DPP6: variants seen among roughly 807,000 people sequenced by gnomAD.
DPP6 encodes the protein dipeptidyl peptidase like 6.
Under a neutral mutation model 122.6 loss-of-function variants are expected in DPP6, and 69 were observed. The observed-to-expected ratio is 0.56, with a 90% confidence interval of 0.46 to 0.69. The LOEUF (loss-of-function observed/expected upper bound fraction) is 0.69, where lower values mean the gene tolerates loss of function less well. Ranked by LOEUF, DPP6 falls within the 30% of genes least tolerant of loss-of-function variation. The pLI is 0.00. For synonymous variants in DPP6, 418 were observed against 433.1 expected, an observed-to-expected ratio of 0.97 and a Z score of 0.43; for missense variants, 928 against 1,116.9, an observed-to-expected ratio of 0.83 and a Z score of 2.41.
At chr7:154,431,607 T>C (rs1386541704) in intron 1 of DPP6, among the ~76,000 whole-genome samples, 1 of 149,340 alleles carries the variant, frequency 6.7e-6, no homozygotes, top group African/African-American at 2.5e-5. Flanking sequence ...TGATCTCAGT[T>C]CACCACAACC....
chr7:154,097,749 G>A (rs1805432285), intron 1 of DPP6, among the ~76,000 whole-genome samples: 1 of 152,214 alleles, frequency 6.6e-6, no homozygotes, highest in Non-Finnish European at 1.5e-5. Flanking sequence ...TGAGGCAGCT[G>A]TCACCTGAGG....
intron 7 of DPP6, among the ~76,000 whole-genome samples, chr7:154,721,335 GAC>G (rs1841795106): frequency 6.6e-6 from 1 of 152,094 alleles, no homozygotes; most frequent in African/African-American, 2.4e-5. Context: ...CCGCACCCCT[GAC>G]CCACCAGCTG....
chr7:154,805,024 C>A, intron 15 of DPP6, 60 bp downstream of exon 15: 1 of 1,545,264 alleles, frequency 6.5e-7, no homozygotes, highest in South Asian at 1.2e-5. Context: ...CCAGGCTTTG[C>A]AGAATTGCAC....
rs3060876 is a variant in DPP6 at position 153,933,682 on chromosome 7, T to TTC, written c.51+45971_51+45972dup. ...TTGCAATGCCCTTCACATTGCCACA[T>TTC]TCTCTCTCTCTCTCTCTCTCTCTCA... On this transcript the variant is annotated intron_variant, in intron 1 of 25. Coordinates refer to the DPP6 transcript ENST00000404039. Among the ~76,000 whole-genome samples, 40 of 150,544 alleles carry TTC rather than the reference T, an allele frequency of 2.7e-4. No homozygotes were observed. In the South Asian group the frequency reaches 3.0e-3, roughly 11 times the overall value.
At chr7:154,153,727 T>A (rs1796541619) in intron 1 of DPP6, among the ~76,000 whole-genome samples, 1 of 152,230 alleles carries the variant, frequency 6.6e-6, no homozygotes, top group South Asian at 2.1e-4. Context: ...AGTTTTCCTA[T>A]CAACTACTCA....
At chr7:154,178,574 C>T (rs530087489) in intron 1 of DPP6, among the ~76,000 whole-genome samples, 8 of 151,532 alleles carry the variant, frequency 5.3e-5, no homozygotes, top group African/African-American at 9.7e-5. Context: ...GCAACATAGG[C>T]GAGAGCAGTA....
At position 154,875,774 on chromosome 7, in the gene DPP6, G is replaced by T; in HGVS notation, c.1884-132G>T. 1 of 1,307,402 alleles carries T rather than the reference G, an allele frequency of 7.6e-7. No homozygotes were observed. Among genetic ancestry groups the T allele is most frequent in the South Asian group, 1.5e-5 (1 of 68,298 alleles). The allele number at this position is 1,307,402 out of a possible 1,614,324, so 81.0% of individuals were successfully genotyped here. ...ACCTGCCCGGGGCAACAGAATCTGG[G>T]GTATGGAGTTGAGCGTGTGGCAGCC... On this transcript the variant is annotated intron_variant, in intron 19 of 25. Transcript: ENST00000377770. The surrounding 1 kb of genome is among the most constrained non-coding windows in gnomAD (Gnocchi z 4.5).
At chr7:154,381,642 G>A (rs909000329) in intron 1 of DPP6, among the ~76,000 whole-genome samples, 1 of 152,142 alleles carries the variant, frequency 6.6e-6, no homozygotes, top group East Asian at 1.9e-4. Flanking sequence ...CTTATGATCC[G>A]AAAAATGCTG....
the DPP6 span, among the ~76,000 whole-genome samples, chr7:153,831,042 A>G: frequency 6.6e-6 from 1 of 152,324 alleles, no homozygotes; most frequent in Admixed American, 6.5e-5. Flanking sequence ...AACTTACACT[A>G]AAAACAATTT....
chr7:154,050,296 G>A (rs1476817), upstream of DPP6, among the ~76,000 whole-genome samples: 1 of 152,150 alleles, frequency 6.6e-6, no homozygotes, highest in Admixed American at 6.5e-5. Context: ...TGAGAATATA[G>A]TTTTTAAAAG....
chr7:154,735,524 A>G (rs750061471), intron 8 of DPP6, among the ~76,000 whole-genome samples: 4 of 152,246 alleles, frequency 2.6e-5, no homozygotes, highest in Non-Finnish European at 5.9e-5. Context: ...TCTGAGCAGG[A>G]GTCTGAATGC....
chr7:153,822,065 G>C, the DPP6 span, among the ~76,000 whole-genome samples: 22,132 of 151,466 alleles, frequency 0.15, 1,661 homozygotes, highest in East Asian at 0.21. Flanking sequence ...GTTGGCTTAT[G>C]CCCAAGTTAG....
chr7:153,868,996 A>G, the DPP6 span, among the ~76,000 whole-genome samples: 8 of 152,088 alleles, frequency 5.3e-5, no homozygotes, highest in Non-Finnish European at 1.0e-4. Context: ...TTCTAGTTTG[A>G]TTGCACTGTG....
chr7:154,556,888 A>G (rs1466017620), intron 4 of DPP6, among the ~76,000 whole-genome samples: 2 of 151,480 alleles, frequency 1.3e-5, no homozygotes. Context: ...TTGTTTGGGA[A>G]ATTGATACAT....
chr7:154,805,968 G>A (rs1334516921), intron 15 of DPP6, among the ~76,000 whole-genome samples: 1 of 152,202 alleles, frequency 6.6e-6, no homozygotes, highest in Non-Finnish European at 1.5e-5. Context: ...GCCAATGCCT[G>A]TTGCCCCCGC....
intron 4 of DPP6, among the ~76,000 whole-genome samples, chr7:154,549,833 G>A (rs1393846499): frequency 6.6e-6 from 1 of 152,132 alleles, no homozygotes; most frequent in Non-Finnish European, 1.5e-5. Context: ...TCAACCTCCA[G>A]TCTCTGGACG....
At chr7:154,205,713 C>A (rs1399245528) in intron 1 of DPP6, among the ~76,000 whole-genome samples, 1 of 151,976 alleles carries the variant, frequency 6.6e-6, no homozygotes, top group Non-Finnish European at 1.5e-5. Flanking sequence ...GCCATGAGGT[C>A]TTTTACAGCT....
intron 1 of DPP6, chr7:153,887,846 C>A: frequency 8.2e-7 from 1 of 1,214,518 alleles, no homozygotes; most frequent in East Asian, 2.7e-5. Flanking sequence ...GACAGCGACC[C>A]CATGCCCGCG....
chr7:154,086,783 T>C (rs1804456584), intron 1 of DPP6, among the ~76,000 whole-genome samples: 1 of 152,080 alleles, frequency 6.6e-6, no homozygotes. Context: ...CACGCCCGGC[T>C]AATTTTTATA....
Sources: gnomAD v4.1 joint callset for allele counts (sites outside exome capture counted in the v4.1 genomes callset) on GRCh38, gnomAD v4.1.1 for gene constraint, Gnocchi (gnomAD v3.1) non-coding constraint, MANE v1.5 for transcripts, NCBI Gene and HGNC (gene_info 2026-07-23, HGNC 2026-07-21) for gene names.